Variants in DAPK2 observed in about 807,000 individuals in gnomAD.
DAPK2 encodes death-associated protein kinase 2.
DAPK2 carries 35 observed loss-of-function variants against 44.1 expected under a neutral mutation model. The observed-to-expected ratio is 0.79, with a 90% confidence interval of 0.61 to 1.05. DAPK2 has a LOEUF of 1.05. DAPK2 is among the 50% of genes least tolerant of loss of function. The probability of loss-of-function intolerance (pLI) is 0.00; values close to 1 mark genes in which losing one functional copy is unlikely to be tolerated. For missense variants in DAPK2, 453 were observed against 483.2 expected, an observed-to-expected ratio of 0.94 and a Z score of 0.59; for synonymous variants, 174 against 182.6, an observed-to-expected ratio of 0.95 and a Z score of 0.38.
intron 2 of DAPK2, among the ~76,000 whole-genome samples, chr15:63,973,002 T>G (rs746239033): frequency 1.1e-4 from 16 of 152,162 alleles, no homozygotes; most frequent in Non-Finnish European, 2.4e-4. Context: ...CTGAAGTCAT[T>G]TCAGAGATCG....
At chr15:64,021,213 G>A (rs2079672669) in intron 1 of DAPK2, among the ~76,000 whole-genome samples, 1 of 152,204 alleles carries the variant, frequency 6.6e-6, no homozygotes, top group African/African-American at 2.4e-5. Context: ...TCACTTTCGG[G>A]AGGAACAGGA....
At chr15:63,999,351 C>T (rs1340057360) in intron 1 of DAPK2, among the ~76,000 whole-genome samples, 1 of 152,176 alleles carries the variant, frequency 6.6e-6, no homozygotes, top group Non-Finnish European at 1.5e-5. Flanking sequence ...GCCCCCACAG[C>T]TGCCAACAGC....
chr15:64,030,918 G>C (rs1418908462), intron 1 of DAPK2, among the ~76,000 whole-genome samples: 1 of 151,800 alleles, frequency 6.6e-6, no homozygotes, highest in African/African-American at 2.4e-5. Context: ...AGTGAGCTGT[G>C]GTTGCGCCAT....
chr15:64,001,123 T>C (rs1264261434), intron 1 of DAPK2, among the ~76,000 whole-genome samples: 1 of 151,702 alleles, frequency 6.6e-6, no homozygotes, highest in Non-Finnish European at 1.5e-5. Context: ...CAGGTGATCC[T>C]GCCTCAGCCT....
chr15:63,996,801 T>C (rs1038021433), intron 1 of DAPK2, among the ~76,000 whole-genome samples: 1 of 152,218 alleles, frequency 6.6e-6, no homozygotes. Context: ...CAGGCAATCA[T>C]GTACAGCCGA....
rs1029169227 is a variant in DAPK2, at chr15:63,966,632, G to A, written c.453+4791C>T. On this transcript the variant is annotated intron_variant, in intron 3 of 10. Transcript: ENST00000261891. The surrounding 1 kb of genome is among the most constrained non-coding windows in gnomAD (Gnocchi z 5.5). The stretch of plus-strand genomic sequence containing the variant: ...CCACTAGGATGAGCAATTCTCCTCT[G>A]TCTAGGGCTAGTCTAAATGCTCCTT... Among the ~76,000 whole-genome samples, 4 of 152,216 alleles carry A rather than the reference G, an allele frequency of 2.6e-5. No individual in the cohort carries two copies. Among genetic ancestry groups the A allele is most frequent in the African/African-American group, 9.7e-5 (4 of 41,436 alleles).
At chr15:64,044,548 C>T (rs2080416917), upstream of DAPK2, among the ~76,000 whole-genome samples, 1 of 152,146 alleles carries the variant, frequency 6.6e-6, no homozygotes, top group Non-Finnish European at 1.5e-5. Flanking sequence ...AAGGGACTCA[C>T]TGAGCATCAT....
At chr15:64,016,821 GGGGAAGGA>G in intron 1 of DAPK2, among the ~76,000 whole-genome samples, 1 of 116,220 alleles carries the variant, frequency 8.6e-6, no homozygotes, top group East Asian at 2.1e-4. Flanking sequence ...GGAAGGGGAA[GGGGAAGGA>G]AGGAAGGAGG....
In DAPK2 at chr15:63,912,284, T is replaced by C. The variant is rs1596380227; in HGVS notation, c.859-87A>G. On this transcript the variant is annotated intron_variant, in intron 8 of 10. Transcript: ENST00000261891. The surrounding 1 kb of genome is among the most constrained non-coding windows in gnomAD (Gnocchi z 4.4). Reference sequence around the variant, plus strand: ...GCCGCAGAACTCCCCACCCACCGCATGCCCACCGCCCTTGGCTTGACCCTG... The same window carrying C: ...GCCGCAGAACTCCCCACCCACCGCACGCCCACCGCCCTTGGCTTGACCCTG... The C allele has an allele frequency of 1.2e-5, 16 of 1,350,978 alleles. No individual in the cohort carries two copies. The highest frequency in any genetic ancestry group is 1.7e-5 in the Non-Finnish European group (16 of 962,660). 83.7% of individuals were successfully genotyped at this position (1,350,978 alleles called of 1,614,324 possible).
chr15:63,951,547 A>G (rs1370690637), intron 3 of DAPK2, among the ~76,000 whole-genome samples: 2 of 152,108 alleles, frequency 1.3e-5, no homozygotes, highest in East Asian at 1.9e-4. Context: ...AGAGACAGAG[A>G]GCGCACTCCT....
At chr15:63,924,896 G>A (rs2079196207) in intron 7 of DAPK2, 35 bp from the exon 9 acceptor site, 1 of 1,612,182 alleles carries the variant, frequency 6.2e-7, no homozygotes, top group African/African-American at 1.3e-5. Context: ...GATGATCCAT[G>A]AGGACAGAAG....
At chr15:64,025,211 A>C (rs2079804155) in intron 1 of DAPK2, among the ~76,000 whole-genome samples, 1 of 152,220 alleles carries the variant, frequency 6.6e-6, no homozygotes, top group African/African-American at 2.4e-5. Flanking sequence ...TTACCAAGGT[A>C]AGTTAGTTCA....
intron 2 of DAPK2, among the ~76,000 whole-genome samples, chr15:63,975,075 T>C (rs1233976530): frequency 6.6e-6 from 1 of 152,134 alleles, no homozygotes; most frequent in Non-Finnish European, 1.5e-5. Flanking sequence ...ATTCAGTTGG[T>C]TGAGGGGGCT....
intron 3 of DAPK2, 32 bp downstream of exon 4, chr15:63,971,391 C>T (rs1283640927): frequency 2.1e-5 from 34 of 1,612,496 alleles, no homozygotes; most frequent in Non-Finnish European, 2.7e-5. Context: ...TCTTCCTAAA[C>T]TTGATTCTTT....
At chr15:64,021,004 G>A (rs756810073) in intron 1 of DAPK2, among the ~76,000 whole-genome samples, 8 of 152,194 alleles carry the variant, frequency 5.3e-5, no homozygotes, top group South Asian at 2.1e-4. Flanking sequence ...AGTCCGTGGC[G>A]ATGGGCCAGA....
chr15:64,037,054 A>G (rs2080231334), intron 1 of DAPK2, among the ~76,000 whole-genome samples: 1 of 152,176 alleles, frequency 6.6e-6, no homozygotes, highest in Non-Finnish European at 1.5e-5. Context: ...TACAGGTAAA[A>G]AAGCTGAGGC....
chr15:64,011,096 G>A (rs74933518), intron 1 of DAPK2, among the ~76,000 whole-genome samples: 2,127 of 152,270 alleles, frequency 0.014, 19 homozygotes, highest in Non-Finnish European at 0.023. Context: ...CAGGACAATG[G>A]AACAGATAAA....
At chr15:64,043,558 T>C (rs2080393238), upstream of DAPK2, among the ~76,000 whole-genome samples, 1 of 152,210 alleles carries the variant, frequency 6.6e-6, no homozygotes, top group African/African-American at 2.4e-5. Context: ...TAATGCATGG[T>C]GCTAGATGTC....
chr15:63,980,887 C>T lies in DAPK2; in HGVS notation c.314+2646G>A, dbSNP rs201897653. On this transcript the variant is annotated intron_variant, in intron 2 of 10. Transcript: ENST00000261891. This position sits in a 1 kb window ranked among gnomAD's most constrained non-coding sequence, Gnocchi z 4.3. The stretch of plus-strand genomic sequence containing the variant: ...GGCGGATCATCTAAGGTCAGGAGTT[C>T]GAGACCAGCCTGGCCAACATGGAGA... 3.0e-4 allele frequency among the ~76,000 whole-genome samples: 45 copies of T among 152,152 alleles called. No individual in the cohort carries two copies. The highest frequency in any genetic ancestry group is 1.9e-3 in the East Asian group (10 of 5,182).
Sources: allele counts gnomAD v4.1 joint callset (sites outside exome capture counted in the v4.1 genomes callset), GRCh38; gene constraint gnomAD v4.1.1; non-coding constraint Gnocchi (gnomAD v3.1); transcripts MANE v1.5; gene names NCBI Gene and HGNC (gene_info 2026-07-23, HGNC 2026-07-21).